Variants in PUM1 observed in about 807,000 individuals in gnomAD.
PUM1 encodes pumilio homolog 1.
In PUM1, 13 loss-of-function variants were observed where a neutral mutation model predicts 131.8. The ratio of observed to expected loss-of-function variants is 0.10; its 90% CI spans 0.06 to 0.16. The LOEUF (loss-of-function observed/expected upper bound fraction) is 0.16, where lower values mean the gene tolerates loss of function less well. PUM1 is among the 10% of genes least tolerant of loss of function. The pLI is 1.00. For missense variants in PUM1, 961 were observed against 1,512.4 expected (o/e 0.64, Z 6.05); for synonymous variants, 509 against 556.5 (o/e 0.91, Z 1.20).
intron 9 of PUM1, 61 bp downstream of exon 9, chr1:30,980,001 C>G (rs943463489): frequency 1.7e-6 from 2 of 1,164,520 alleles, no homozygotes; most frequent in African/African-American, 3.1e-5. Context: ...AAAGAATGCA[C>G]GCCCATCTCA....
intron 1 of PUM1, among the ~76,000 whole-genome samples, chr1:31,060,756 C>A (rs1417469439): frequency 2.0e-5 from 3 of 151,674 alleles, no homozygotes; most frequent in African/African-American, 4.8e-5. Context: ...TGTGGTGGTA[C>A]ACACTTTTAA....
At chr1:31,010,895 G>A (rs1470067877) in intron 3 of PUM1, among the ~76,000 whole-genome samples, 4 of 152,216 alleles carry the variant, frequency 2.6e-5, no homozygotes, top group East Asian at 1.9e-4. Flanking sequence ...TAGGCAGGGC[G>A]TGGTGGCTTA....
chr1:31,025,545 C>CTTTTTTTTTTTTT (rs35510099), intron 3 of PUM1, among the ~76,000 whole-genome samples: 1 of 88,822 alleles, frequency 1.1e-5, no homozygotes, highest in Non-Finnish European at 2.0e-5. Context: ...TGTTTTTTGT[C>CTTTTTTTTTTTTT]TTTTTTTTTT....
At chr1:31,036,321 G>A (rs992462785) in intron 2 of PUM1, among the ~76,000 whole-genome samples, 3 of 152,074 alleles carry the variant, frequency 2.0e-5, no homozygotes, top group South Asian at 2.1e-4. Flanking sequence ...CGCCTGCCTC[G>A]GCCTCCCAAA....
chr1:31,015,295 C>T (rs976446488), intron 3 of PUM1, among the ~76,000 whole-genome samples: 2 of 151,950 alleles, frequency 1.3e-5, no homozygotes, highest in African/African-American at 2.4e-5. Context: ...ATAAATAAGG[C>T]ATATCTCTCA....
intron 3 of PUM1, among the ~76,000 whole-genome samples, chr1:31,021,736 A>C (rs536218281): frequency 4.6e-5 from 7 of 152,318 alleles, no homozygotes; most frequent in African/African-American, 1.4e-4. Flanking sequence ...ACTACAAATC[A>C]CTTGCTACTT....
intron 2 of PUM1, among the ~76,000 whole-genome samples, chr1:31,053,291 C>T (rs1338160836): frequency 6.6e-6 from 1 of 150,630 alleles, no homozygotes; most frequent in Non-Finnish European, 1.5e-5. Context: ...TGAGCCACCA[C>T]GCCCAGTCCA....
At chr1:31,026,126 T>C (rs10914249) in intron 3 of PUM1, among the ~76,000 whole-genome samples, 6,675 of 151,944 alleles carry the variant, frequency 0.044, 457 homozygotes, top group African/African-American at 0.15. Flanking sequence ...CACGGCGGCA[T>C]GCACCTGTAG....
chr1:30,966,354 C>CA lies in PUM1; in HGVS notation c.1790-77dup. On this transcript the variant is annotated intron_variant, in intron 12 of 21. Coordinates refer to ENST00000426105, the MANE Select transcript of PUM1 (RefSeq NM_001020658.2). ...TCCAAACTACATTTTTATCTTTTTT[C>CA]AAAAAATCTTTTAATGCTGCCTATC... is the stretch of plus-strand genomic sequence containing the variant. 10 of 1,439,396 alleles carry CA rather than the reference C, an allele frequency of 6.9e-6. No homozygotes were observed. The South Asian group carries it at 8.5e-5, about 12-fold the overall frequency. The allele number at this position is 1,439,396 out of a possible 1,614,324, so 89.2% of individuals were successfully genotyped here.
chr1:31,059,290 G>C lies in PUM1; in HGVS notation c.277C>G (p.Leu93Val). Residue 93 changes from leucine to valine, a missense_variant, in exon 2 of 22, where the codon CTT becomes GTT. Physicochemically the swap from Leu to Val is conservative, Grantham distance 32. This residue lies in a region of PUM1 where 654 missense variants were observed against 923.9 expected (regional missense o/e 0.71). Transcript: ENST00000426105. ...CCTCCTCCACTTCCTCCTCCCCCAA[G>C]CTGCTCACCATGCTGCCTCTGAAAG... ...YFFQRQHGEQLGGGGSGGGGY... is the reference protein window; with the variant it reads ...YFFQRQHGEQVGGGGSGGGGY... 6.2e-7 allele frequency: 1 copy of C among 1,614,090 alleles called. No homozygotes were observed. Among genetic ancestry groups the C allele is most frequent in the Non-Finnish European group, 8.5e-7 (1 of 1,180,020 alleles).
intron 1 of PUM1, among the ~76,000 whole-genome samples, chr1:31,063,672 GT>G (rs1277679428): frequency 1.3e-5 from 2 of 152,176 alleles, no homozygotes; most frequent in Non-Finnish European, 2.9e-5. Context: ...TAAAAGAGGA[GT>G]TTATCACTGA....
chr1:31,035,397 A>G (rs1643574480), intron 2 of PUM1, among the ~76,000 whole-genome samples: 1 of 107,700 alleles, frequency 9.3e-6, no homozygotes, highest in South Asian at 2.7e-4. Context: ...TCTCAAAAGA[A>G]AAAAAAAAAA....
At chr1:31,002,359 T>C (rs1192453351) in intron 5 of PUM1, among the ~76,000 whole-genome samples, 1 of 152,122 alleles carries the variant, frequency 6.6e-6, no homozygotes, top group African/African-American at 2.4e-5. Context: ...CCCAATATAT[T>C]TTTTCTAAAA....
chr1:31,056,940 G>T (rs1644255212), intron 2 of PUM1, among the ~76,000 whole-genome samples: 1 of 151,922 alleles, frequency 6.6e-6, no homozygotes. Context: ...TTACAAGCAT[G>T]CGCCACCACG....
chr1:31,014,393 C>G (rs1228780982), intron 3 of PUM1, among the ~76,000 whole-genome samples: 2 of 151,794 alleles, frequency 1.3e-5, no homozygotes, highest in African/African-American at 2.4e-5. Flanking sequence ...GCTTGTAACC[C>G]CAGCACTTTA....
intron 3 of PUM1, among the ~76,000 whole-genome samples, chr1:31,023,314 A>C (rs1444128039): frequency 1.3e-5 from 2 of 152,194 alleles, no homozygotes; most frequent in Non-Finnish European, 2.9e-5. Flanking sequence ...TTGCTGGCAG[A>C]CATCTTTCCA....
intron 16 of PUM1, 127 bp from the exon 17 acceptor site, chr1:30,950,388 C>CTAAA (rs1639878251): frequency 1.1e-6 from 1 of 925,092 alleles, no homozygotes; most frequent in African/African-American, 1.7e-5. Context: ...CCATGATTAA[C>CTAAA]TAAACCTTTT....
At chr1:30,960,598 A>T (rs888723074) in intron 14 of PUM1, among the ~76,000 whole-genome samples, 8 of 152,346 alleles carry the variant, frequency 5.3e-5, no homozygotes, top group Non-Finnish European at 1.0e-4. Flanking sequence ...TTCCATAAGC[A>T]AGCAATAGTC....
At chr1:31,056,190 CCTCCATTA>C (rs1370031536) in intron 2 of PUM1, among the ~76,000 whole-genome samples, 1 of 152,172 alleles carries the variant, frequency 6.6e-6, no homozygotes, top group East Asian at 1.9e-4. Context: ...CTGTACTTTT[CCTCCATTA>C]CTTCATCTTT....
Sources: gnomAD v4.1 joint callset for allele counts (sites outside exome capture counted in the v4.1 genomes callset) on GRCh38, gnomAD v4.1.1 for gene constraint, gnomAD v4.1.1 regional missense constraint, MANE v1.5 for transcripts, NCBI Gene and HGNC (gene_info 2026-07-23, HGNC 2026-07-21) for gene names.